DPY19L2: variants seen among roughly 807,000 people sequenced by gnomAD.
The protein encoded by DPY19L2 is dpy-19 like 2, also known as probable C-mannosyltransferase DPY19L2.
A neutral mutation model predicts 97.9 loss-of-function variants in DPY19L2; 34 were observed. The ratio of observed to expected loss-of-function variants is 0.35; its 90% CI spans 0.26 to 0.46. The LOEUF (loss-of-function observed/expected upper bound fraction) is 0.46, where lower values mean the gene tolerates loss of function less well. Among genes scored for constraint, DPY19L2 ranks in the 20% least tolerant of loss-of-function variants. DPY19L2 has a pLI of 1.00. For missense variants in DPY19L2, 623 were observed against 911.4 expected, an observed-to-expected ratio of 0.68 and a Z score of 4.07; for synonymous variants, 230 against 307.9, an observed-to-expected ratio of 0.75 and a Z score of 2.65.
intron 6 of DPY19L2, among the ~76,000 whole-genome samples, chr12:63,638,112 T>G (rs1892063123): frequency 6.6e-6 from 1 of 152,114 alleles, no homozygotes; most frequent in Non-Finnish European, 1.5e-5. Context: ...AAAAACCACA[T>G]GATTATCTCA....
At chr12:63,651,737 G>C (rs987605749) in intron 4 of DPY19L2, 7 of 387,168 alleles carry the variant, frequency 1.8e-5, no homozygotes, top group Non-Finnish European at 3.1e-5. Context: ...TCTCCAAGAC[G>C]GAGTTCCCAA....
At chr12:63,622,796 T>G (rs1888896865) in intron 8 of DPY19L2, among the ~76,000 whole-genome samples, 1 of 151,922 alleles carries the variant, frequency 6.6e-6, no homozygotes, top group African/African-American at 2.4e-5. Flanking sequence ...GATGGTGGCG[T>G]GCACCTGTAA....
intron 16 of DPY19L2, among the ~76,000 whole-genome samples, chr12:63,587,356 A>G (rs1211792116): frequency 3.3e-5 from 5 of 151,868 alleles, no homozygotes; most frequent in African/African-American, 1.2e-4. Context: ...TAGAAAAATA[A>G]GTTGATGTAC....
chr12:63,560,574 C>T lies in DPY19L2; in HGVS notation c.2215G>A (p.Ala739Thr), dbSNP rs779226004. 1.0e-4 allele frequency: 168 copies of T among 1,613,846 alleles called. 2 individuals are homozygous for T. The highest frequency in any genetic ancestry group is 9.2e-4 in the South Asian group (84 of 91,080). The change falls in exon 22 of 22, where the codon GCC becomes ACC. Residue 739 changes from alanine (A) to threonine (T), a missense_variant. Around this residue, in one of 6 missense-constraint regions of DPY19L2, gnomAD observed 294 missense variants for 446.2 expected, o/e 0.66. Transcript: ENST00000324472. ...PPLCSVLLED[A>T]RPYFTTVFQN... ...AATACTGTGGTGAAGTAAGGCCTGG[C>T]GTCTTCGAGCAGGACGCTACATAAG... is the stretch of plus-strand genomic sequence containing the variant.
At position 63,584,034 on chromosome 12, in the gene DPY19L2, C is replaced by T. The variant is rs1018120712; in HGVS notation, c.1581-198G>A. 4 of 523,798 alleles carry T rather than the reference C, an allele frequency of 7.6e-6. No homozygotes were observed. The African/African-American group carries it at 7.7e-5, about 10-fold the overall frequency. The allele number at this position is 523,798 out of a possible 1,614,324, so 32.4% of individuals were successfully genotyped here. On this transcript the variant is annotated intron_variant, in intron 16 of 21. Transcript: ENST00000324472. The stretch of plus-strand genomic sequence containing the variant: ...TTTAAAAGTCATAATTTATAGTCAT[C>T]CTATTCAAGATATGTCAAAAATTTG...
At chr12:63,655,339 A>T (rs1436342334) in intron 4 of DPY19L2, among the ~76,000 whole-genome samples, 4 of 152,214 alleles carry the variant, frequency 2.6e-5, no homozygotes, top group African/African-American at 4.8e-5. Context: ...GAGGATACAG[A>T]TAAACCAAAT....
In DPY19L2 at chr12:63,640,757, G is replaced by A. The variant is rs374812546; in HGVS notation, c.803+3646C>T. On this transcript the variant is annotated intron_variant, in intron 6 of 21. Transcript: ENST00000324472. ...AATTTAGAGAGACTAGCACCTCTTC[G>A]GTAGCCCTCCTAATGAAATATACTG... Among the ~76,000 whole-genome samples, 8 of 151,954 alleles carry A rather than the reference G, an allele frequency of 5.3e-5. No individual in the cohort carries two copies. The East Asian group carries it at 9.7e-4, about 18-fold the overall frequency.
Position 63,663,794 on chromosome 12 carries a change from T to A in DPY19L2, c.414A>T (p.Ser138=). The change falls in exon 3 of 22, where the codon TCA becomes TCT. Residue 138 remains serine (S), a synonymous_variant. Coordinates refer to ENST00000324472, the MANE Select transcript of DPY19L2 (RefSeq NM_173812.5). The part of the protein sequence containing the change: ...FENDRHFSHL[S]SLEREMTFRT... Reference sequence around the variant, plus strand: ...GAAAAGTCATCTCCCGTTCCAAAGATGAGAGGTGAGAGAAATGACGATCAT... The same window carrying A: ...GAAAAGTCATCTCCCGTTCCAAAGAAGAGAGGTGAGAGAAATGACGATCAT... 6.2e-7 allele frequency: 1 copy of A among 1,604,686 alleles called. No individual in the cohort carries two copies. Among genetic ancestry groups the A allele is most frequent in the South Asian group, 1.1e-5 (1 of 87,976 alleles).
intron 11 of DPY19L2, among the ~76,000 whole-genome samples, chr12:63,615,282 T>C (rs1482643145): frequency 6.6e-6 from 1 of 152,100 alleles, no homozygotes; most frequent in Non-Finnish European, 1.5e-5. Flanking sequence ...AAGAGGTAAA[T>C]CAACATTTAC....
At chr12:63,643,111 C>T (rs1318354283) in intron 6 of DPY19L2, among the ~76,000 whole-genome samples, 1 of 151,902 alleles carries the variant, frequency 6.6e-6, no homozygotes, top group Non-Finnish European at 1.5e-5. Flanking sequence ...ATGCTTACAT[C>T]TAGTAACATT....
chr12:63,573,862 AC>A (rs1322118355), intron 19 of DPY19L2, among the ~76,000 whole-genome samples: 1 of 152,094 alleles, frequency 6.6e-6, no homozygotes, highest in Non-Finnish European at 1.5e-5. Flanking sequence ...AAAGGAGAAG[AC>A]TTCCCAGTGA....
chr12:63,593,613 G>A (rs1883566865), intron 16 of DPY19L2, among the ~76,000 whole-genome samples: 1 of 152,040 alleles, frequency 6.6e-6, no homozygotes, highest in Non-Finnish European at 1.5e-5. Flanking sequence ...ACACAGGAAG[G>A]GGAACATCAC....
chr12:63,654,243 C>T (rs967217822), intron 4 of DPY19L2, among the ~76,000 whole-genome samples: 1 of 151,968 alleles, frequency 6.6e-6, no homozygotes. Flanking sequence ...ATGATTAAAA[C>T]ATACAGTAAA....
At chr12:63,618,577 TG>T (rs575230187) in intron 9 of DPY19L2, among the ~76,000 whole-genome samples, 761 of 152,142 alleles carry the variant, frequency 5.0e-3, no homozygotes, top group African/African-American at 0.018. Context: ...GAGAGGCAGT[TG>T]GAAGACCAAC....
intron 3 of DPY19L2, among the ~76,000 whole-genome samples, chr12:63,663,350 TAA>T (rs1895931998): frequency 6.6e-6 from 1 of 152,158 alleles, no homozygotes; most frequent in Non-Finnish European, 1.5e-5. Flanking sequence ...AGTTATCTCT[TAA>T]AAGAGATTAT....
intron 1 of DPY19L2, among the ~76,000 whole-genome samples, chr12:63,666,918 A>G (rs1261822771): frequency 6.6e-6 from 1 of 152,188 alleles, no homozygotes; most frequent in Non-Finnish European, 1.5e-5. Flanking sequence ...ATAAATGCAA[A>G]TTAATTCAAT....
intron 7 of DPY19L2, among the ~76,000 whole-genome samples, chr12:63,625,302 CAGG>C (rs1350792395): frequency 6.6e-6 from 1 of 151,564 alleles, no homozygotes; most frequent in Admixed American, 6.6e-5. Flanking sequence ...GAGGCTGAGG[CAGG>C]AGAATTGCTT....
intron 12 of DPY19L2, among the ~76,000 whole-genome samples, chr12:63,603,086 A>G (rs1885441841): frequency 6.6e-6 from 1 of 152,188 alleles, no homozygotes; most frequent in African/African-American, 2.4e-5. Flanking sequence ...TGCCATTTCC[A>G]TATGGAAACT....
At chr12:63,653,534 T>G (rs1333498609) in intron 4 of DPY19L2, among the ~76,000 whole-genome samples, 1 of 151,678 alleles carries the variant, frequency 6.6e-6, no homozygotes, top group African/African-American at 2.4e-5. Flanking sequence ...GGCGACAGAG[T>G]GAGATCCTGT....
Sources: gnomAD v4.1 joint callset for allele counts (sites outside exome capture counted in the v4.1 genomes callset) on GRCh38, gnomAD v4.1.1 for gene constraint, gnomAD v4.1.1 regional missense constraint, MANE v1.5 for transcripts, NCBI Gene and HGNC (gene_info 2026-07-23, HGNC 2026-07-21) for gene names.